Variants in TACC2 observed in about 807,000 individuals in gnomAD.
The protein encoded by TACC2 is transforming acidic coiled-coil containing protein 2.
In TACC2, 137 loss-of-function variants were observed where a neutral mutation model predicts 227.3. That is an observed-to-expected ratio of 0.60 (90% CI 0.52 to 0.69). The LOEUF (loss-of-function observed/expected upper bound fraction) is 0.69. Ranked by LOEUF, TACC2 falls within the 30% of genes least tolerant of loss-of-function variation. TACC2 has a pLI of 0.00. For synonymous variants in TACC2, 1,523 were observed against 1,487.5 expected (o/e 1.02, Z -0.55); for missense variants, 3,470 against 3,694.4 (o/e 0.94, Z 1.57).
intron 5 of TACC2, among the ~76,000 whole-genome samples, chr10:122,116,406 G>A (rs2084708623): frequency 6.6e-6 from 1 of 152,194 alleles, no homozygotes; most frequent in Admixed American, 6.5e-5. Context: ...CTTAGGTTGG[G>A]GAAGGGCAGT....
intron 22 of TACC2, among the ~76,000 whole-genome samples, chr10:122,250,712 T>A (rs1189542412): frequency 1.3e-5 from 2 of 152,230 alleles, no homozygotes; most frequent in East Asian, 3.9e-4. Flanking sequence ...CCATCTGTCA[T>A]GGCCCTGGGC....
At position 122,016,115 on chromosome 10, in the gene TACC2, A is replaced by G. The variant is rs576268704; in HGVS notation, c.-45-5822A>G. Among the ~76,000 whole-genome samples, 201 of 151,436 alleles carry G rather than the reference A, an allele frequency of 1.3e-3. 7 individuals carry two copies. In the South Asian group the frequency reaches 0.042, roughly 31 times the overall value. On this transcript the variant is annotated intron_variant, in intron 1 of 22. Transcript: ENST00000369005. ...ATCTCTACAAAAAAATACTAAGAGT[A>G]GCCAGGCATGGTGGTGCACACCTGT...
chr10:122,057,705 A>G (rs1402319668), intron 3 of TACC2, among the ~76,000 whole-genome samples: 1 of 152,082 alleles, frequency 6.6e-6, no homozygotes, highest in East Asian at 1.9e-4. Flanking sequence ...CTGTAATCCC[A>G]GCTACTTGGG....
chr10:122,126,101 CACCGCCTG>C (rs2086799823), intron 5 of TACC2, among the ~76,000 whole-genome samples: 1 of 151,698 alleles, frequency 6.6e-6, no homozygotes, highest in Non-Finnish European at 1.5e-5. Flanking sequence ...TCACACTCCC[CACCGCCTG>C]CCTTGGCATC....
intron 1 of TACC2, among the ~76,000 whole-genome samples, chr10:122,000,784 TG>T (rs1954208659): frequency 6.6e-6 from 1 of 152,002 alleles, no homozygotes; most frequent in South Asian, 2.1e-4. Context: ...TCAATTTTTT[TG>T]TTTTGTTTTG....
chr10:122,142,538 C>T (rs2090761041), intron 6 of TACC2, among the ~76,000 whole-genome samples: 1 of 152,216 alleles, frequency 6.6e-6, no homozygotes, highest in Non-Finnish European at 1.5e-5. Context: ...TCAGGTGGAC[C>T]TCGAAGAGAT....
chr10:122,148,712 C>A (rs1036117861), intron 7 of TACC2, among the ~76,000 whole-genome samples: 1 of 152,240 alleles, frequency 6.6e-6, no homozygotes, highest in African/African-American at 2.4e-5. Context: ...CTGCTTCTTG[C>A]GGCTGCTGTG....
At chr10:122,249,355 G>C (rs991556995) in intron 21 of TACC2, among the ~76,000 whole-genome samples, 189 bp from the exon 22 acceptor site, 9 of 152,200 alleles carry the variant, frequency 5.9e-5, no homozygotes, top group South Asian at 2.1e-4. Flanking sequence ...CAATGTCCAG[G>C]GTGCCCCGGC....
chr10:122,019,415 T>G (rs1436050137), intron 1 of TACC2, among the ~76,000 whole-genome samples: 3 of 152,216 alleles, frequency 2.0e-5, no homozygotes, highest in African/African-American at 4.8e-5. Flanking sequence ...GTTGGCTTAT[T>G]TTTAGAAAGA....
At chr10:122,112,747 T>G (rs2083837408) in intron 5 of TACC2, among the ~76,000 whole-genome samples, 1 of 152,204 alleles carries the variant, frequency 6.6e-6, no homozygotes, top group South Asian at 2.1e-4. Flanking sequence ...CAAGTTGTCA[T>G]GACTCAGAGA....
intron 10 of TACC2, among the ~76,000 whole-genome samples, chr10:122,216,210 G>A (rs1169855809): frequency 3.9e-5 from 6 of 152,084 alleles, no homozygotes; most frequent in Non-Finnish European, 8.8e-5. Flanking sequence ...ACTCTCCAGT[G>A]GAAATGGAGA....
chr10:122,133,458 T>C (rs2088819093), intron 6 of TACC2, among the ~76,000 whole-genome samples: 1 of 152,182 alleles, frequency 6.6e-6, no homozygotes, highest in Non-Finnish European at 1.5e-5. Flanking sequence ...CATGGACATG[T>C]ATGCCTCCAC....
intron 1 of TACC2, among the ~76,000 whole-genome samples, chr10:122,009,410 A>C (rs1955648652): frequency 6.6e-6 from 1 of 152,162 alleles, no homozygotes; most frequent in Admixed American, 6.6e-5. Flanking sequence ...AGGCTGAGGC[A>C]GGAGAATCGC....
At chr10:122,061,000 CA>C (rs1168443960) in intron 3 of TACC2, among the ~76,000 whole-genome samples, 126 of 130,712 alleles carry the variant, frequency 9.6e-4, no homozygotes, top group African/African-American at 3.3e-3. Flanking sequence ...GACTCCATCT[CA>C]AAAAAAAAAA....
intron 5 of TACC2, among the ~76,000 whole-genome samples, chr10:122,094,665 T>A (rs2081190762): frequency 6.6e-6 from 1 of 152,154 alleles, no homozygotes; most frequent in Non-Finnish European, 1.5e-5. Flanking sequence ...GGATTCACTG[T>A]CTTCAGGTGG....
intron 7 of TACC2, among the ~76,000 whole-genome samples, chr10:122,154,547 A>G (rs1167995064): frequency 6.6e-6 from 1 of 152,222 alleles, no homozygotes; most frequent in African/African-American, 2.4e-5. Context: ...CGATTCCTTA[A>G]GCTCAGCAAA....
At chr10:122,018,893 C>A (rs978380844) in intron 1 of TACC2, among the ~76,000 whole-genome samples, 1 of 152,212 alleles carries the variant, frequency 6.6e-6, no homozygotes, top group Non-Finnish European at 1.5e-5. Context: ...TAAGGGTCCT[C>A]TGAGCTTGGT....
chr10:122,108,500 C>T (rs1281098147), intron 5 of TACC2, among the ~76,000 whole-genome samples: 2 of 128,748 alleles, frequency 1.6e-5, no homozygotes, highest in Admixed American at 2.0e-4. Flanking sequence ...GGGTGGAGTG[C>T]AATGGTGCGA....
chr10:122,123,565 G>A (rs1280604471), intron 5 of TACC2, among the ~76,000 whole-genome samples: 1 of 152,192 alleles, frequency 6.6e-6, no homozygotes, highest in African/African-American at 2.4e-5. Context: ...CGCATGTCGT[G>A]GTGCCTGTGC....
Sources: gnomAD v4.1 joint callset for allele counts (sites outside exome capture counted in the v4.1 genomes callset) on GRCh38, gnomAD v4.1.1 for gene constraint, MANE v1.5 for transcripts, NCBI Gene and HGNC (gene_info 2026-07-23, HGNC 2026-07-21) for gene names.